Variants in CRYBA4 observed in about 807,000 individuals in gnomAD.
The protein encoded by CRYBA4 is beta-crystallin A4.
A neutral mutation model predicts 31.7 loss-of-function variants in CRYBA4; 30 were observed. That is an observed-to-expected ratio of 0.95 (90% CI 0.71 to 1.28). CRYBA4 has a LOEUF of 1.28. Ranked by LOEUF, CRYBA4 falls within the 50% of genes most tolerant of loss-of-function variation. The pLI is 0.00. For synonymous variants in CRYBA4, 102 were observed against 102.3 expected (o/e 1.00, Z 0.02); for missense variants, 225 against 260.7 (o/e 0.86, Z 0.94).
chr22:26,608,632 C>T, the CRYBA4 span, among the ~76,000 whole-genome samples: 1 of 151,966 alleles, frequency 6.6e-6, no homozygotes, highest in Admixed American at 6.6e-5. Context: ...AAAGTGGTGT[C>T]AGGGTTCTTT....
At chr22:26,592,438 A>G in the CRYBA4 span, among the ~76,000 whole-genome samples, 1 of 152,236 alleles carries the variant, frequency 6.6e-6, no homozygotes, top group Non-Finnish European at 1.5e-5. Flanking sequence ...AACCTGGTCC[A>G]GGGAGGGAGG....
chr22:26,625,272 T>C (rs754681026), intron 3 of CRYBA4, among the ~76,000 whole-genome samples: 41 of 152,150 alleles, frequency 2.7e-4, no homozygotes, highest in Non-Finnish European at 5.1e-4. Context: ...TGTTTAGTGG[T>C]ATCCCTGGCC....
intron 4 of CRYBA4, 138 bp from the exon 5 acceptor site, chr22:26,628,150 G>A (rs1929807402): frequency 3.5e-6 from 4 of 1,127,910 alleles, no homozygotes; most frequent in Non-Finnish European, 5.3e-6. Context: ...TCTGGTACCT[G>A]TTGCCTTATT....
Position 26,630,455 on chromosome 22 carries a change from C to G in CRYBA4, c.559C>G (p.Gln187Glu). 1.2e-6 allele frequency: 2 copies of G among 1,614,008 alleles called. No individual in the cohort carries two copies. Among genetic ancestry groups the G allele is most frequent in the Non-Finnish European group, 1.7e-6 (2 of 1,179,994 alleles). Residue 187 changes from glutamine to glutamate, a missense_variant, in exon 6 of 6, where the codon CAG (glutamine) becomes GAG (glutamate). By Grantham distance (29) the Gln-to-Glu change is conservative. Transcript: ENST00000354760. ...GTGGGGCTCTCATGCCCCGACCTTCCAGGTGCAGAGCATCCGCAGGATCCA... is the reference window on the plus strand; with the variant it reads ...GTGGGGCTCTCATGCCCCGACCTTCGAGGTGCAGAGCATCCGCAGGATCCA... ...REWGSHAPTF[Q>E]VQSIRRIQQ
intron 4 of CRYBA4, among the ~76,000 whole-genome samples, chr22:26,626,025 A>ACATTTTACT (rs1929694749): frequency 1.3e-5 from 2 of 152,122 alleles, no homozygotes; most frequent in East Asian, 3.8e-4. Flanking sequence ...TCCTGATCTT[A>ACATTTTACT]CATTTTACTG....
chr22:26,598,858 T>C, the CRYBA4 span, among the ~76,000 whole-genome samples: 2 of 152,196 alleles, frequency 1.3e-5, no homozygotes, highest in African/African-American at 4.8e-5. Flanking sequence ...GGGGGGATGC[T>C]CAACTGGCTA....
chr22:26,607,990 C>T, the CRYBA4 span: 13 of 1,614,076 alleles, frequency 8.1e-6, no homozygotes, highest in South Asian at 1.1e-5. Context: ...AACATCTCCC[C>T]GCGGAAGTTG....
At chr22:26,610,228 G>T in the CRYBA4 span, among the ~76,000 whole-genome samples, 1 of 152,250 alleles carries the variant, frequency 6.6e-6, no homozygotes, top group Non-Finnish European at 1.5e-5. Flanking sequence ...AGGCTAAGAG[G>T]GGTTAAGTCC....
At chr22:26,600,107 A>C in the CRYBA4 span, among the ~76,000 whole-genome samples, 2 of 152,192 alleles carry the variant, frequency 1.3e-5, no homozygotes, top group African/African-American at 4.8e-5. Flanking sequence ...TATTTCAAAA[A>C]ATTGGTTTTC....
At chr22:26,621,151 C>T (rs184950923), upstream of CRYBA4, among the ~76,000 whole-genome samples, 22 of 152,324 alleles carry the variant, frequency 1.4e-4, no homozygotes, top group East Asian at 3.9e-3. Context: ...GCAAATTGTA[C>T]AAGTCCTGGA....
chr22:26,629,302 T>A (rs892467709), intron 5 of CRYBA4, among the ~76,000 whole-genome samples: 10 of 151,878 alleles, frequency 6.6e-5, no homozygotes, highest in African/African-American at 1.9e-4. Flanking sequence ...TTTTTGGCTT[T>A]AGTTTTCTCA....
chr22:26,630,018 G>A (rs577362966), intron 5 of CRYBA4, among the ~76,000 whole-genome samples: 5 of 152,174 alleles, frequency 3.3e-5, no homozygotes, highest in Non-Finnish European at 5.9e-5. Flanking sequence ...GAAAACTATC[G>A]AATTACATGA....
the CRYBA4 span, among the ~76,000 whole-genome samples, chr22:26,594,615 C>T: frequency 6.6e-6 from 1 of 152,058 alleles, no homozygotes; most frequent in Non-Finnish European, 1.5e-5. Flanking sequence ...TGCTTGAACC[C>T]GGGAGGTGGA....
At chr22:26,592,716 G>A in the CRYBA4 span, among the ~76,000 whole-genome samples, 1 of 152,214 alleles carries the variant, frequency 6.6e-6, no homozygotes, top group Non-Finnish European at 1.5e-5. Context: ...TGTTCAACAG[G>A]GGAAGGGCAT....
chr22:26,607,937 C>G, the CRYBA4 span: 1 of 1,614,190 alleles, frequency 6.2e-7, no homozygotes, highest in Non-Finnish European at 8.5e-7. Context: ...GGTAGCTGCT[C>G]GACCATGTGT....
At chr22:26,627,514 TTCTTTCTTTC>T (rs1170577450) in intron 4 of CRYBA4, among the ~76,000 whole-genome samples, 31 of 94,686 alleles carry the variant, frequency 3.3e-4, no homozygotes, top group African/African-American at 8.5e-4. Context: ...CTTTCTTTCT[TTCTTTCTTTC>T]TCTTTCTTTC....
the CRYBA4 span, among the ~76,000 whole-genome samples, chr22:26,595,843 G>GCA: frequency 6.6e-6 from 1 of 152,084 alleles, no homozygotes; most frequent in South Asian, 2.1e-4. Context: ...CACATTCATA[G>GCA]CTTACTGCTG....
chr22:26,616,060 GAGGAGGAGGAGAAGA>G, the CRYBA4 span: 9 of 1,097,600 alleles, frequency 8.2e-6, no homozygotes, highest in Admixed American at 1.4e-4. Flanking sequence ...GAAAGAGGAA[GAGGAGGAGGAGAAGA>G]AGGAGGAGGA....
At chr22:26,601,369 T>A in the CRYBA4 span, among the ~76,000 whole-genome samples, 5 of 152,152 alleles carry the variant, frequency 3.3e-5, no homozygotes, top group African/African-American at 1.2e-4. Flanking sequence ...CAGGGAATTT[T>A]GTGTGCCCAT....
Sources: allele counts gnomAD v4.1 joint callset (sites outside exome capture counted in the v4.1 genomes callset), GRCh38; gene constraint gnomAD v4.1.1; transcripts MANE v1.5; gene names NCBI Gene and HGNC (gene_info 2026-07-23, HGNC 2026-07-21).